FGF13: variants seen among roughly 807,000 people sequenced by gnomAD.
FGF13 encodes fibroblast growth factor 13, also known as fibroblast growth factor homologous factor 2.
Under a neutral mutation model 19.5 loss-of-function variants are expected in FGF13, and 2 were observed. The observed-to-expected ratio is 0.10, with a 90% CI of 0.04 to 0.32. FGF13 has a LOEUF of 0.32. Ranked by LOEUF, FGF13 falls within the 10% of genes least tolerant of loss-of-function variation. FGF13 has a pLI of 1.00. For synonymous variants in FGF13, 72 were observed against 76.9 expected (o/e 0.94, Z 0.33); for missense variants, 113 against 192.7 (o/e 0.59, Z 2.45).
At chrX:138,997,320 A>C (rs2092047843) in intron 1 of FGF13, among the ~76,000 whole-genome samples, 1 of 111,900 alleles carries the variant, frequency 8.9e-6, no homozygotes, top group South Asian at 3.7e-4. Context: ...ACAAAACTGG[A>C]CGGAGAATGA....
At chrX:138,726,139 G>A (rs1190027441) in intron 1 of FGF13, among the ~76,000 whole-genome samples, 1 of 110,369 alleles carries the variant, frequency 9.1e-6, no homozygotes, top group South Asian at 3.8e-4. Context: ...AAAGTTCTTC[G>A]AATTTAGTTA....
At chrX:139,197,327 T>A (rs1469593277) in intron 1 of FGF13, among the ~76,000 whole-genome samples, 1 of 112,776 alleles carries the variant, frequency 8.9e-6, no homozygotes, top group Admixed American at 9.3e-5. Flanking sequence ...GCTGTCAGGA[T>A]TAAATTAGAT....
intron 1 of FGF13, among the ~76,000 whole-genome samples, chrX:138,892,457 G>T (rs956054004): frequency 2.7e-5 from 3 of 112,090 alleles, no homozygotes; most frequent in African/African-American, 9.7e-5. Context: ...AGGGTAAAGT[G>T]CTACAGAAGG....
chrX:139,094,337 C>T (rs2083457198), intron 1 of FGF13, among the ~76,000 whole-genome samples: 1 of 111,918 alleles, frequency 8.9e-6, no homozygotes, highest in African/African-American at 3.3e-5. Context: ...CAATGCAAAA[C>T]CACTGTTTTC....
At chrX:139,029,333 G>C (rs1372848044) in intron 1 of FGF13, among the ~76,000 whole-genome samples, 2 of 111,466 alleles carry the variant, frequency 1.8e-5, no homozygotes, top group African/African-American at 3.3e-5. Context: ...CAGACACTTG[G>C]AATTGATGGC....
intron 3 of FGF13, among the ~76,000 whole-genome samples, chrX:138,765,445 T>A (rs984687369): frequency 8.9e-6 from 1 of 111,974 alleles, no homozygotes; most frequent in Non-Finnish European, 1.9e-5. Context: ...GACTCACTTA[T>A]CTCACTGGTA....
intron 1 of FGF13, among the ~76,000 whole-genome samples, chrX:139,030,538 T>G (rs781313479): frequency 8.9e-6 from 1 of 111,764 alleles, no homozygotes; most frequent in Non-Finnish European, 1.9e-5. Context: ...GTGGGTTAAC[T>G]GGGCCAAACT....
At chrX:139,098,639 C>G (rs748866589) in intron 1 of FGF13, among the ~76,000 whole-genome samples, 1 of 111,554 alleles carries the variant, frequency 9.0e-6, no homozygotes, top group African/African-American at 3.3e-5. Flanking sequence ...AAACAGAAAA[C>G]CAATACTGCA....
At chrX:138,742,838 G>A (rs2090329076), upstream of FGF13, among the ~76,000 whole-genome samples, 1 of 111,747 alleles carries the variant, frequency 8.9e-6, no homozygotes, top group Non-Finnish European at 1.9e-5. Flanking sequence ...CAGTTTAATT[G>A]TTTTAAAATG....
rs926498937 is a variant in FGF13 at position 138,627,927 on chromosome X, C to CTT, written c.*4921_*4922dup. 9.0e-6 allele frequency: 1 copy of CTT among 111,082 alleles called. No homozygotes were observed. Among genetic ancestry groups the CTT allele is most frequent in the Admixed American group, 9.6e-5 (1 of 10,377 alleles). The allele number at this position is 111,082 out of a possible 1,213,427, so 9.2% of individuals were successfully genotyped here. A position where few individuals can be genotyped will look rare whatever the true frequency, so the allele number is the denominator to read the frequency against. On this transcript the variant is annotated 3_prime_UTR_variant, in exon 5 of 5. Coordinates refer to ENST00000315930, the MANE Select transcript of FGF13 (RefSeq NM_004114.5). Reference sequence around the variant, plus strand: ...TAAATGTGATGAGAAATACAAGATACTTGTACTCATGTGATATTAGCAAAA... The same window carrying CTT: ...TAAATGTGATGAGAAATACAAGATACTTTTGTACTCATGTGATATTAGCAAAA...
intron 1 of FGF13, among the ~76,000 whole-genome samples, chrX:138,736,305 G>A (rs2090274281): frequency 8.9e-6 from 1 of 111,951 alleles, no homozygotes; most frequent in Non-Finnish European, 1.9e-5. Context: ...ATAGACTACC[G>A]CTATACATTC....
intron 1 of FGF13, among the ~76,000 whole-genome samples, chrX:139,190,910 C>A (rs903964609): frequency 8.9e-6 from 1 of 111,993 alleles, no homozygotes; most frequent in Non-Finnish European, 1.9e-5. Flanking sequence ...TCTTTTTAAT[C>A]AAGTAGTCCT....
chrX:138,659,027 T>C (rs1166438387), intron 3 of FGF13, among the ~76,000 whole-genome samples: 1 of 111,939 alleles, frequency 8.9e-6, no homozygotes, highest in Non-Finnish European at 1.9e-5. Flanking sequence ...CAATCTTACA[T>C]AATCTTGAAA....
intron 3 of FGF13, among the ~76,000 whole-genome samples, chrX:138,751,745 A>G (rs1033665309): frequency 8.9e-6 from 1 of 112,006 alleles, no homozygotes; most frequent in African/African-American, 3.2e-5. Context: ...TATGAGGTGT[A>G]TCCATGGTCA....
chrX:138,842,243 G>A (rs1345862797), intron 3 of FGF13, among the ~76,000 whole-genome samples: 1 of 110,879 alleles, frequency 9.0e-6, no homozygotes. Flanking sequence ...TAAAAGGCAG[G>A]GACTCTGTCA....
At chrX:138,714,931 T>C (rs2090087710), upstream of FGF13, 1 of 111,769 alleles carries the variant, frequency 8.9e-6, no homozygotes, top group Admixed American at 9.5e-5. Flanking sequence ...GAATTCTCTT[T>C]TGACACCTAT....
chrX:138,972,241 C>T (rs1189148393), intron 1 of FGF13, among the ~76,000 whole-genome samples: 3 of 83,175 alleles, frequency 3.6e-5, no homozygotes, highest in South Asian at 7.0e-4. Flanking sequence ...ATTGTTGGAT[C>T]ATATGGTAGT....
intron 3 of FGF13, among the ~76,000 whole-genome samples, chrX:138,836,878 TG>T (rs2091115754): frequency 1.2e-5 from 1 of 84,118 alleles, no homozygotes; most frequent in South Asian, 4.9e-4. Flanking sequence ...CTTTTGGTGG[TG>T]GGTTTTTTTT....
chrX:138,761,620 C>T (rs1246679048), intron 3 of FGF13, among the ~76,000 whole-genome samples: 1 of 111,679 alleles, frequency 9.0e-6, no homozygotes. Flanking sequence ...TAGGGACCTC[C>T]ACTGTCCAGC....
Sources: gnomAD v4.1 joint callset for allele counts (sites outside exome capture counted in the v4.1 genomes callset) on GRCh38, gnomAD v4.1.1 for gene constraint, MANE v1.5 for transcripts, NCBI Gene and HGNC (gene_info 2026-07-23, HGNC 2026-07-21) for gene names.